RBFOX1: variants seen among roughly 807,000 people sequenced by gnomAD.
RBFOX1 encodes RNA binding protein fox-1 homolog 1.
A neutral mutation model predicts 57.7 loss-of-function variants in RBFOX1; 8 were observed. The observed-to-expected ratio is 0.14, with a 90% CI of 0.08 to 0.25. RBFOX1 has a LOEUF of 0.25. Ranked by LOEUF, RBFOX1 falls within the 10% of genes least tolerant of loss-of-function variation. The pLI is 1.00. For synonymous variants in RBFOX1, 326 were observed against 222.4 expected, an observed-to-expected ratio of 1.47 and a Z score of -4.15; for missense variants, 611 against 548.5, an observed-to-expected ratio of 1.11 and a Z score of -1.14.
intron 1 of RBFOX1, among the ~76,000 whole-genome samples, chr16:6,245,591 C>A (rs1267279319): frequency 5.3e-5 from 8 of 152,170 alleles, no homozygotes; most frequent in Non-Finnish European, 1.2e-4. Flanking sequence ...CCTCTACACA[C>A]TAATAATAAT....
chr16:6,194,533 CTGTCTT>C (rs1334464758), intron 1 of RBFOX1, among the ~76,000 whole-genome samples: 1 of 152,164 alleles, frequency 6.6e-6, no homozygotes, highest in Non-Finnish European at 1.5e-5. Context: ...ACTCATTTCT[CTGTCTT>C]TATGTATGCT....
intron 3 of RBFOX1, among the ~76,000 whole-genome samples, chr16:5,807,806 G>A (rs2055282125): frequency 6.6e-6 from 1 of 152,186 alleles, no homozygotes; most frequent in East Asian, 1.9e-4. Context: ...GGGCTGGAGA[G>A]TCTGTGTACC....
intron 10 of RBFOX1, among the ~76,000 whole-genome samples, chr16:7,625,671 A>T (rs1223162590): frequency 3.3e-5 from 5 of 152,224 alleles, no homozygotes; most frequent in East Asian, 1.9e-4. Flanking sequence ...TTTTTTGTTT[A>T]AATTCAGAAA....
At chr16:7,638,711 A>G (rs1568224989) in intron 11 of RBFOX1, among the ~76,000 whole-genome samples, 1 of 152,218 alleles carries the variant, frequency 6.6e-6, no homozygotes. Context: ...AAGTAGCCAT[A>G]GACTACTGTA....
intron 3 of RBFOX1, among the ~76,000 whole-genome samples, chr16:6,936,524 A>G (rs964879117): frequency 3.5e-4 from 53 of 152,266 alleles, no homozygotes; most frequent in Admixed American, 1.3e-4. Flanking sequence ...GAAACGTAAA[A>G]TGCTCTGGGG....
chr16:6,206,739 C>G (rs1054740329), intron 1 of RBFOX1, among the ~76,000 whole-genome samples: 3 of 152,204 alleles, frequency 2.0e-5, no homozygotes, highest in Admixed American at 6.5e-5. Flanking sequence ...TTACATCAGA[C>G]TAGCACAATA....
chr16:6,849,713 C>T (rs573617509), intron 3 of RBFOX1, among the ~76,000 whole-genome samples: 5 of 151,990 alleles, frequency 3.3e-5, no homozygotes, highest in Non-Finnish European at 1.5e-5. Flanking sequence ...AAAAGTCCAT[C>T]TGCCATGACT....
chr16:6,032,181 T>G (rs950307461), intron 1 of RBFOX1, among the ~76,000 whole-genome samples: 1 of 152,170 alleles, frequency 6.6e-6, no homozygotes, highest in African/African-American at 2.4e-5. Context: ...CTGAGATTCC[T>G]TCTTCCTTGC....
At chr16:6,182,087 CA>C (rs2097067884) in intron 1 of RBFOX1, among the ~76,000 whole-genome samples, 2 of 152,140 alleles carry the variant, frequency 1.3e-5, no homozygotes. Context: ...AGGGAAAATA[CA>C]AAAGCAAACA....
chr16:7,513,819 T>G (rs181951597), intron 4 of RBFOX1, among the ~76,000 whole-genome samples: 5 of 152,308 alleles, frequency 3.3e-5, no homozygotes, highest in Admixed American at 3.3e-4. Flanking sequence ...AGCCCACTTA[T>G]GCAGATTTAA....
chr16:6,924,459 G>T (rs899597990), intron 3 of RBFOX1, among the ~76,000 whole-genome samples: 1 of 151,924 alleles, frequency 6.6e-6, no homozygotes, highest in East Asian at 1.9e-4. Context: ...GGGATGGCAG[G>T]CACCAAGCCA....
At chr16:5,933,300 G>A (rs1308305481) in intron 4 of RBFOX1, among the ~76,000 whole-genome samples, 3 of 152,138 alleles carry the variant, frequency 2.0e-5, no homozygotes, top group Non-Finnish European at 4.4e-5. Context: ...CAAGTCAAGG[G>A]GAGTCAATTG....
At chr16:6,633,017 T>C (rs918557799) in intron 2 of RBFOX1, among the ~76,000 whole-genome samples, 6 of 152,114 alleles carry the variant, frequency 3.9e-5, no homozygotes, top group Admixed American at 2.6e-4. Context: ...TGGGGAGACA[T>C]TGAAAAATAA....
intron 2 of RBFOX1, among the ~76,000 whole-genome samples, chr16:6,540,105 G>C (rs1057321242): frequency 1.3e-5 from 2 of 152,096 alleles, no homozygotes; most frequent in African/African-American, 4.8e-5. Context: ...CCCTCTGTCA[G>C]TTGAAGAACC....
At position 5,766,293 on chromosome 16, in the gene RBFOX1, A is replaced by G. The variant is rs114536131; in HGVS notation, c.319-101010A>G. Among the ~76,000 whole-genome samples the G allele has an allele frequency of 7.4e-3, 1,131 of 152,256 alleles. 22 individuals carry two copies. Among genetic ancestry groups the G allele is most frequent in the African/African-American group, 0.024 (989 of 41,544 alleles). ...GAGGAGGAGGTATCATGCACTTTAA[A>G]ATACAGATCTGGGCTGGGCACGGTG... On this transcript the variant is annotated intron_variant, in intron 3 of 19. Transcript: ENST00000641259.
chr16:7,196,746 T>C (rs1381123337), intron 4 of RBFOX1, among the ~76,000 whole-genome samples: 1 of 152,106 alleles, frequency 6.6e-6, no homozygotes, highest in Non-Finnish European at 1.5e-5. Context: ...TTGGAAGGTT[T>C]GCGGAAAGAA....
intron 3 of RBFOX1, among the ~76,000 whole-genome samples, chr16:5,811,873 A>G (rs1348940050): frequency 1.3e-5 from 2 of 152,182 alleles, no homozygotes; most frequent in Non-Finnish European, 2.9e-5. Flanking sequence ...CGTTACCACA[A>G]TTTAGCTTTA....
intron 4 of RBFOX1, among the ~76,000 whole-genome samples, chr16:7,098,839 C>A (rs1381916929): frequency 2.0e-5 from 3 of 152,034 alleles, no homozygotes; most frequent in South Asian, 2.1e-4. Context: ...TCTAGTGAGG[C>A]ACAGCTATAT....
chr16:5,394,404 A>T (rs1346042666), intron 1 of RBFOX1, among the ~76,000 whole-genome samples: 1 of 151,830 alleles, frequency 6.6e-6, no homozygotes, highest in East Asian at 1.9e-4. Flanking sequence ...TGATTTTCTG[A>T]TCTTCCCCAA....
Sources: allele counts gnomAD v4.1 joint callset (sites outside exome capture counted in the v4.1 genomes callset), GRCh38; gene constraint gnomAD v4.1.1; transcripts MANE v1.5; gene names NCBI Gene and HGNC (gene_info 2026-07-23, HGNC 2026-07-21).